The following GALNTL5 variants were observed in gnomAD, a reference collection of about 807,000 sequenced individuals.
The protein encoded by GALNTL5 is polypeptide N-acetylgalactosaminyltransferase like 5.
Under a neutral mutation model 51.0 loss-of-function variants are expected in GALNTL5, and 44 were observed. The observed-to-expected ratio is 0.86, with a 90% CI of 0.68 to 1.11. GALNTL5 has a LOEUF of 1.11. GALNTL5 is among the 50% of genes least tolerant of loss of function. GALNTL5 has a pLI of 0.00. For missense variants in GALNTL5, 528 were observed against 531.8 expected, an observed-to-expected ratio of 0.99 and a Z score of 0.07; for synonymous variants, 192 against 182.8, an observed-to-expected ratio of 1.05 and a Z score of -0.41.
rs117244543 is a variant in GALNTL5 at position 151,999,519 on chromosome 7, A to G, written c.659-3195A>G. 2.4e-4 allele frequency among the ~76,000 whole-genome samples: 36 copies of G among 152,064 alleles called. No homozygotes were observed. The East Asian group carries it at 6.6e-3, about 28-fold the overall frequency. ...TTTCTCCATATCCCTGCCAAAACTT[A>G]TTTTTCATTTTTTAAGTTCTCGTCA... On this transcript the variant is annotated intron_variant, in intron 5 of 8. Coordinates refer to ENST00000392800, the MANE Select transcript of GALNTL5 (RefSeq NM_145292.4).
At chr7:151,981,585 CCTTCCCTCCTTCCTTCCTTCCCTCCT>C (rs1187443935) in intron 3 of GALNTL5, among the ~76,000 whole-genome samples, 22 of 27,442 alleles carry the variant, frequency 8.0e-4, no homozygotes, top group South Asian at 6.2e-3. Flanking sequence ...TTCCTTCCTT[CCTTCCCTCCTTCCTTCCTTCCCTCCT>C]TCCTTCCTTC....
intron 3 of GALNTL5, among the ~76,000 whole-genome samples, chr7:151,972,492 G>C (rs899151427): frequency 7.9e-6 from 1 of 126,974 alleles, no homozygotes; most frequent in African/African-American, 2.9e-5. Flanking sequence ...ATGTCTCCAG[G>C]GCATTTCAGA....
At chr7:152,019,215 CTT>C (rs1464809650) in intron 8 of GALNTL5, among the ~76,000 whole-genome samples, 1 of 152,216 alleles carries the variant, frequency 6.6e-6, no homozygotes, top group South Asian at 2.1e-4. Flanking sequence ...CAGGGCCAGA[CTT>C]TGAATCCAGG....
At chr7:152,001,072 A>ATTT (rs57116736) in intron 5 of GALNTL5, among the ~76,000 whole-genome samples, 1 of 144,326 alleles carries the variant, frequency 6.9e-6, no homozygotes, top group Non-Finnish European at 1.5e-5. Context: ...CACCTGGCTA[A>ATTT]TTTTTTTTTT....
intron 3 of GALNTL5, among the ~76,000 whole-genome samples, chr7:151,980,499 G>C (rs2081265313): frequency 6.6e-6 from 1 of 152,116 alleles, no homozygotes; most frequent in Non-Finnish European, 1.5e-5. Flanking sequence ...CCTTGGCCCT[G>C]TCCCTCGGAC....
intron 3 of GALNTL5, among the ~76,000 whole-genome samples, chr7:151,977,543 A>C (rs1406379795): frequency 6.6e-6 from 1 of 152,032 alleles, no homozygotes; most frequent in African/African-American, 2.4e-5. Flanking sequence ...TAAAATTGTG[A>C]TTTATGTTTT....
At chr7:151,967,166 T>C in intron 1 of GALNTL5, 42 bp from the exon 2 acceptor site, 1 of 1,304,518 alleles carries the variant, frequency 7.7e-7, no homozygotes, top group African/African-American at 1.5e-5. Context: ...TACAAACCAT[T>C]GGAATATCTA....
chr7:151,994,030 T>A (rs981736444), intron 5 of GALNTL5, among the ~76,000 whole-genome samples: 6 of 152,250 alleles, frequency 3.9e-5, no homozygotes, highest in African/African-American at 1.2e-4. Flanking sequence ...GGAATTCGAC[T>A]TCATTTCTAA....
intron 5 of GALNTL5, among the ~76,000 whole-genome samples, chr7:151,993,977 T>G (rs1233284337): frequency 6.6e-6 from 1 of 152,124 alleles, no homozygotes; most frequent in Non-Finnish European, 1.5e-5. Flanking sequence ...GTAGGTTCTG[T>G]GTGTGTGTAT....
intron 7 of GALNTL5, among the ~76,000 whole-genome samples, chr7:152,010,675 C>T (rs1322893733): frequency 2.0e-5 from 3 of 151,356 alleles, no homozygotes; most frequent in Non-Finnish European, 4.4e-5. Flanking sequence ...AGCTGAGGCA[C>T]GAGAATTGCT....
At chr7:151,978,003 A>G (rs551113203) in intron 3 of GALNTL5, among the ~76,000 whole-genome samples, 1 of 151,880 alleles carries the variant, frequency 6.6e-6, no homozygotes, top group South Asian at 2.1e-4. Flanking sequence ...ATACTTACTA[A>G]TTTTACTTTT....
intron 7 of GALNTL5, 97 bp downstream of exon 7, chr7:152,008,041 A>T: frequency 1.4e-6 from 1 of 715,054 alleles, no homozygotes; most frequent in Non-Finnish European, 2.5e-6. Flanking sequence ...TCCTACATGA[A>T]CATCCAGTAC....
intron 6 of GALNTL5, among the ~76,000 whole-genome samples, chr7:152,007,601 G>A (rs1400965680): frequency 1.3e-5 from 2 of 151,656 alleles, no homozygotes; most frequent in Non-Finnish European, 2.9e-5. Context: ...TGTATTTTTA[G>A]TAGAGACGGG....
intron 5 of GALNTL5, among the ~76,000 whole-genome samples, chr7:152,001,748 T>G (rs1165419253): frequency 6.6e-6 from 1 of 152,234 alleles, no homozygotes; most frequent in Non-Finnish European, 1.5e-5. Flanking sequence ...TAGGATCAAT[T>G]TCTTTAAAAA....
intron 5 of GALNTL5, among the ~76,000 whole-genome samples, chr7:152,000,724 A>T (rs2081565364): frequency 6.6e-6 from 1 of 152,162 alleles, no homozygotes; most frequent in African/African-American, 2.4e-5. Flanking sequence ...GTCTTTGCAA[A>T]GATGTCTATT....
At chr7:151,987,895 G>A (rs755013687) in intron 5 of GALNTL5, among the ~76,000 whole-genome samples, 28 of 152,318 alleles carry the variant, frequency 1.8e-4, no homozygotes, top group Non-Finnish European at 3.2e-4. Context: ...CCTGCAATGG[G>A]ACCGGGTGGC....
chr7:151,975,509 C>G (rs2081194350), intron 3 of GALNTL5, among the ~76,000 whole-genome samples: 1 of 151,806 alleles, frequency 6.6e-6, no homozygotes, highest in Non-Finnish European at 1.5e-5. Flanking sequence ...TTTTAAAAAC[C>G]CAACTCTTTG....
At chr7:151,994,486 G>A (rs947347104) in intron 5 of GALNTL5, among the ~76,000 whole-genome samples, 5 of 151,870 alleles carry the variant, frequency 3.3e-5, no homozygotes, top group Non-Finnish European at 5.9e-5. Flanking sequence ...TGTGCTCCCT[G>A]CTTTCCCTGA....
intron 5 of GALNTL5, among the ~76,000 whole-genome samples, chr7:151,998,487 C>T (rs1427947968): frequency 1.3e-5 from 2 of 151,996 alleles, no homozygotes; most frequent in Non-Finnish European, 1.5e-5. Context: ...AAATACAACT[C>T]CAAGCTGGGC....
Sources: gnomAD v4.1 joint callset for allele counts (sites outside exome capture counted in the v4.1 genomes callset) on GRCh38, gnomAD v4.1.1 for gene constraint, MANE v1.5 for transcripts, NCBI Gene and HGNC (gene_info 2026-07-23, HGNC 2026-07-21) for gene names.